Variants in ACSF3 observed in about 807,000 individuals in gnomAD.
ACSF3 encodes the protein acyl-CoA synthetase family member 3.
A neutral mutation model predicts 53.2 loss-of-function variants in ACSF3; 78 were observed. That is an observed-to-expected ratio of 1.47 (90% CI 1.22 to 1.77). The LOEUF (loss-of-function observed/expected upper bound fraction) is 1.77. ACSF3 is among the 40% of genes most tolerant of loss of function. The pLI is 0.00. For synonymous variants in ACSF3, 414 were observed against 333.1 expected, an observed-to-expected ratio of 1.24 and a Z score of -2.65; for missense variants, 937 against 771.1, an observed-to-expected ratio of 1.22 and a Z score of -2.55.
At chr16:89,108,128 C>T (rs1005422018) in intron 4 of ACSF3, among the ~76,000 whole-genome samples, 3 of 152,130 alleles carry the variant, frequency 2.0e-5, no homozygotes, top group Non-Finnish European at 2.9e-5. Flanking sequence ...AAAGACCGGC[C>T]CCCATAATTC....
At chr16:89,135,071 GTT>G (rs76337118) in intron 8 of ACSF3, among the ~76,000 whole-genome samples, 67 of 115,590 alleles carry the variant, frequency 5.8e-4, no homozygotes, top group East Asian at 2.7e-3. Context: ...TCTTTTCCTG[GTT>G]TTTTTTTTTT....
chr16:89,148,109 T>C (rs544602562), intron 10 of ACSF3: 1 of 148,076 alleles, frequency 6.8e-6, no homozygotes, highest in Non-Finnish European at 1.5e-5. Context: ...TGGTTTTTTT[T>C]TTTTTTTTTT....
At chr16:89,137,206 G>A (rs975563991) in intron 8 of ACSF3, among the ~76,000 whole-genome samples, 6 of 152,130 alleles carry the variant, frequency 3.9e-5, no homozygotes, top group Admixed American at 1.3e-4. Flanking sequence ...CCTGATAACC[G>A]AACTCCTTAG....
intron 1 of ACSF3, among the ~76,000 whole-genome samples, chr16:89,094,816 G>T (rs913152797): frequency 8.5e-5 from 13 of 152,198 alleles, no homozygotes; most frequent in African/African-American, 3.1e-4. Context: ...GATTTCTTGA[G>T]CCCAGGAATC....
chr16:89,132,792 C>G (rs1909603232), intron 7 of ACSF3, among the ~76,000 whole-genome samples: 1 of 152,242 alleles, frequency 6.6e-6, no homozygotes, highest in Admixed American at 6.5e-5. Flanking sequence ...CTGAATCCAG[C>G]CCAGGCTCTG....
chr16:89,149,939 T>G (rs535696148), intron 10 of ACSF3: 4 of 152,384 alleles, frequency 2.6e-5, no homozygotes, highest in Admixed American at 6.5e-5. Context: ...ATTTGACTGC[T>G]TCCTGTTGCT....
At position 89,155,079 on chromosome 16, in the gene ACSF3, A is replaced by G. The variant is rs1467779867; in HGVS notation, c.*872A>G. On this transcript the variant is annotated 3_prime_UTR_variant, in exon 11 of 11. Coordinates refer to ENST00000614302, the MANE Select transcript of ACSF3 (RefSeq NM_001243279.3). ...CAGGCGTGGCCGATGCAGAAACCTC[A>G]GGAAGGTGTGTTGTGAATGTTGGGT... is the stretch of plus-strand genomic sequence containing the variant. 2.2e-6 allele frequency: 1 copy of G among 453,894 alleles called. No individual in the cohort carries two copies. Among genetic ancestry groups the G allele is most frequent in the Non-Finnish European group, 4.4e-6 (1 of 226,788 alleles). The allele number at this position is 453,894 out of a possible 1,614,324, so 28.1% of individuals were successfully genotyped here. A position where few individuals can be genotyped will look rare whatever the true frequency, so the allele number is the denominator to read the frequency against.
At chr16:89,146,863 G>C (rs1032934091) in intron 10 of ACSF3, among the ~76,000 whole-genome samples, 5 of 152,192 alleles carry the variant, frequency 3.3e-5, no homozygotes, top group Non-Finnish European at 7.3e-5. Flanking sequence ...GGCTGAACCT[G>C]AGCTATGGCC....
intron 8 of ACSF3, chr16:89,145,011 G>T: frequency 1.1e-6 from 1 of 925,462 alleles, no homozygotes; most frequent in Non-Finnish European, 1.6e-6. Context: ...GCATGGGGAA[G>T]GGACCCCACA....
chr16:89,128,974 A>G (rs918699848), intron 7 of ACSF3, among the ~76,000 whole-genome samples: 1 of 1,944 alleles, frequency 5.1e-4, no homozygotes, highest in Admixed American at 0.015. Context: ...AAAAGTTGGA[A>G]AAAAAAAAAT....
At chr16:89,096,677 G>T (rs192274243) in intron 1 of ACSF3, among the ~76,000 whole-genome samples, 218 of 152,270 alleles carry the variant, frequency 1.4e-3, no homozygotes, top group African/African-American at 3.6e-3. Context: ...TGACTTCCCG[G>T]CATCTGTGCC....
At chr16:89,137,510 G>A (rs12921457) in intron 8 of ACSF3, among the ~76,000 whole-genome samples, 4 of 129,250 alleles carry the variant, frequency 3.1e-5, no homozygotes, top group South Asian at 3.0e-4. Flanking sequence ...CCCAGGTCTC[G>A]GGAGGACCAC....
chr16:89,149,370 T>G (rs1355487784), intron 10 of ACSF3: 1 of 152,230 alleles, frequency 6.6e-6, no homozygotes, highest in Admixed American at 6.5e-5. Flanking sequence ...GTTAGTCCAG[T>G]CTTGCATTGC....
intron 2 of ACSF3, among the ~76,000 whole-genome samples, chr16:89,100,298 C>T (rs1271839481): frequency 1.3e-5 from 2 of 152,268 alleles, no homozygotes; most frequent in Non-Finnish European, 2.9e-5. Flanking sequence ...ACTTCCCCCT[C>T]TCACGGGTGG....
At chr16:89,124,293 C>T (rs1344839188) in intron 7 of ACSF3, among the ~76,000 whole-genome samples, 5 of 152,214 alleles carry the variant, frequency 3.3e-5, no homozygotes, top group Admixed American at 1.3e-4. Flanking sequence ...CGAGGGGGCG[C>T]GTGTGCACAC....
At chr16:89,126,280 T>G (rs1908082767) in intron 7 of ACSF3, among the ~76,000 whole-genome samples, 1 of 152,174 alleles carries the variant, frequency 6.6e-6, no homozygotes, top group Non-Finnish European at 1.5e-5. Context: ...GAGTTGTTTG[T>G]TTTTTTGAGA....
At chr16:89,095,202 A>G (rs4782471) in intron 1 of ACSF3, 111,203 of 152,102 alleles carry the variant, frequency 0.73, 40,882 homozygotes, top group Admixed American at 0.77. Flanking sequence ...CAGGTGTTGG[A>G]GGACATAAGA....
In ACSF3 at chr16:89,114,348, C is replaced by A. The variant is rs1426240105; in HGVS notation, c.987C>A (p.Val329=). 6.2e-7 allele frequency: 1 copy of A among 1,614,042 alleles called. No homozygotes were observed. The highest frequency in any genetic ancestry group is 1.7e-5 in the Admixed American group (1 of 60,028). ...AVCEEKIRLM[V]SGSAALPLPV... ...TGGTTGTGCCGCGTAGGCTGATGGT[C>A]TCAGGCTCAGCTGCCCTGCCCCTCC... Residue 329 remains valine, a synonymous_variant, in exon 6 of 11, where the codon GTC becomes GTA. Coordinates refer to ENST00000614302, the MANE Select transcript of ACSF3 (RefSeq NM_001243279.3).
intron 8 of ACSF3, among the ~76,000 whole-genome samples, chr16:89,140,338 A>G (rs1349632444): frequency 1.3e-5 from 2 of 152,094 alleles, no homozygotes; most frequent in African/African-American, 4.8e-5. Flanking sequence ...GTACACACAC[A>G]GGCACCTGTT....
Sources: allele counts gnomAD v4.1 joint callset (sites outside exome capture counted in the v4.1 genomes callset), GRCh38; gene constraint gnomAD v4.1.1; transcripts MANE v1.5; gene names NCBI Gene and HGNC (gene_info 2026-07-23, HGNC 2026-07-21).